The following DACH2 variants were observed in gnomAD, a reference collection of about 807,000 sequenced individuals.
DACH2 encodes the protein dachshund homolog 2.
A neutral mutation model predicts 35.8 loss-of-function variants in DACH2; 17 were observed. That is an observed-to-expected ratio of 0.48 (90% CI 0.33 to 0.71). The LOEUF is 0.71. Ranked by LOEUF, DACH2 falls within the 30% of genes least tolerant of loss-of-function variation. DACH2 has a pLI of 0.02. For missense variants in DACH2, 469 were observed against 472.7 expected (o/e 0.99, Z 0.07); for synonymous variants, 195 against 177.3 (o/e 1.10, Z -0.79).
At chrX:86,752,698 G>A (rs2041787199) in intron 7 of DACH2, among the ~76,000 whole-genome samples, 1 of 111,280 alleles carries the variant, frequency 9.0e-6, no homozygotes. Context: ...TTATATCCTT[G>A]CATAATAAAT....
At chrX:86,287,882 G>C (rs1423355419) in intron 1 of DACH2, among the ~76,000 whole-genome samples, 1 of 111,663 alleles carries the variant, frequency 9.0e-6, no homozygotes, top group South Asian at 3.7e-4. Flanking sequence ...TCCAGTTTTT[G>C]TACCTGGTGC....
In DACH2 at chrX:86,610,410, TTTC is replaced by T. The variant is rs1406558696; in HGVS notation, c.641-40623_641-40621del. Among the ~76,000 whole-genome samples, 64 of 77,466 alleles carry T rather than the reference TTTC, an allele frequency of 8.3e-4. 1 individual carries two copies. Among genetic ancestry groups the T allele is most frequent in the Middle Eastern group, 6.0e-3 (1 of 166 alleles). The allele number at this position is 77,466 out of a possible 115,157, so 67.3% of individuals were successfully genotyped here. A position where few individuals can be genotyped will look rare whatever the true frequency, so the allele number is the denominator to read the frequency against. ...CTTTCTTTCTTTCTTTCTTTCTTTC[TTTC>T]TTTCTTTTCTTTCTTTCTTTCTTTC... On this transcript the variant is annotated intron_variant, in intron 3 of 11. Transcript: ENST00000373125.
At chrX:86,174,488 G>T (rs1035372400) in intron 1 of DACH2, among the ~76,000 whole-genome samples, 1 of 110,924 alleles carries the variant, frequency 9.0e-6, no homozygotes, top group African/African-American at 3.3e-5. Flanking sequence ...TATGGTTGAT[G>T]ATCTTTGTAT....
chrX:86,723,868 G>A (rs1015834374), intron 6 of DACH2, among the ~76,000 whole-genome samples: 2 of 109,474 alleles, frequency 1.8e-5, no homozygotes. Context: ...TTTATCAATA[G>A]CACTTGAGTT....
chrX:86,691,031 G>A (rs1291616094), intron 4 of DACH2, among the ~76,000 whole-genome samples: 4 of 111,838 alleles, frequency 3.6e-5, no homozygotes, highest in African/African-American at 9.7e-5. Flanking sequence ...GTTGGGTTAC[G>A]TTTATACTTA....
Position 86,522,050 on chromosome X carries a change from C to A in DACH2, c.640+7659C>A, listed in dbSNP as rs183964600. On this transcript the variant is annotated intron_variant, in intron 3 of 11. Coordinates refer to ENST00000373125, the MANE Select transcript of DACH2 (RefSeq NM_053281.3). ...TTCTATTTTTATCTGATTTTATTTTCTTCTGTAATTTGTATTTTTGTTTTA... is the reference window on the plus strand; with the variant it reads ...TTCTATTTTTATCTGATTTTATTTTATTCTGTAATTTGTATTTTTGTTTTA... Among the ~76,000 whole-genome samples, 4 of 110,793 alleles carry A rather than the reference C, an allele frequency of 3.6e-5. No homozygotes were observed. In the Admixed American group the frequency reaches 3.9e-4, roughly 11 times the overall value.
chrX:86,530,289 A>T (rs2038699613), intron 3 of DACH2, among the ~76,000 whole-genome samples: 1 of 111,959 alleles, frequency 8.9e-6, no homozygotes, highest in African/African-American at 3.3e-5. Context: ...TTTCTGGTTT[A>T]AAAGTTTGTC....
intron 1 of DACH2, among the ~76,000 whole-genome samples, chrX:86,154,462 C>A (rs1336911535): frequency 9.0e-6 from 1 of 111,367 alleles, no homozygotes; most frequent in African/African-American, 3.3e-5. Flanking sequence ...CCATCTCAAC[C>A]TGCAAAACTC....
At chrX:86,430,682 A>G (rs1173783483) in intron 2 of DACH2, among the ~76,000 whole-genome samples, 2 of 112,027 alleles carry the variant, frequency 1.8e-5, no homozygotes, top group African/African-American at 6.5e-5. Context: ...CGTACTGGTC[A>G]TTTTTGGTTG....
At chrX:86,201,638 T>C (rs1026951204) in intron 1 of DACH2, among the ~76,000 whole-genome samples, 26 of 111,048 alleles carry the variant, frequency 2.3e-4, no homozygotes, top group African/African-American at 8.5e-4. Context: ...GTTTATGGAA[T>C]GAAAATGAAA....
intron 1 of DACH2, among the ~76,000 whole-genome samples, chrX:86,344,151 G>T (rs1004135843): frequency 2.7e-5 from 3 of 109,938 alleles, no homozygotes; most frequent in Non-Finnish European, 3.8e-5. Flanking sequence ...TTGCATGCCT[G>T]TATCAAAACA....
intron 3 of DACH2, among the ~76,000 whole-genome samples, chrX:86,522,297 G>T (rs1256793739): frequency 9.0e-6 from 1 of 110,862 alleles, no homozygotes; most frequent in Non-Finnish European, 1.9e-5. Flanking sequence ...AAAATATTTT[G>T]GGGTTATTTA....
intron 1 of DACH2, among the ~76,000 whole-genome samples, chrX:86,254,230 A>G (rs1053215580): frequency 8.9e-6 from 1 of 111,909 alleles, no homozygotes; most frequent in Non-Finnish European, 1.9e-5. Flanking sequence ...AAATTTGACC[A>G]TGTATTAAAG....
rs574196058 is a variant in DACH2 at position 86,220,002 on chromosome X, C to CAAAA, written c.488+70907_488+70910dup. On this transcript the variant is annotated intron_variant, in intron 1 of 11. Coordinates refer to ENST00000373125, the MANE Select transcript of DACH2 (RefSeq NM_053281.3). The stretch of plus-strand genomic sequence containing the variant: ...AGAAACCCCATCTCTACTAAAAATA[C>CAAAA]AAAAAAAAAAAAAAAAGGCCGGGCG... Among the ~76,000 whole-genome samples the CAAAA allele has an allele frequency of 7.3e-4, 45 of 61,277 alleles. 2 individuals are homozygous for CAAAA. The highest frequency in any genetic ancestry group is 2.6e-3 in the East Asian group (5 of 1,914). The allele number at this position is 61,277 out of a possible 115,157, so 53.2% of individuals were successfully genotyped here.
chrX:86,183,377 A>G (rs1434466573), intron 1 of DACH2, among the ~76,000 whole-genome samples: 1 of 112,233 alleles, frequency 8.9e-6, no homozygotes, highest in East Asian at 2.8e-4. Flanking sequence ...GAGAGTGTTT[A>G]GCATGACAGT....
intron 4 of DACH2, among the ~76,000 whole-genome samples, chrX:86,667,429 GAA>G (rs1421058357): frequency 1.3e-5 from 1 of 78,329 alleles, no homozygotes; most frequent in Non-Finnish European, 2.6e-5. Flanking sequence ...AAAGAAGAAA[GAA>G]AAGAAAGAAA....
chrX:86,486,487 T>G (rs73631951), intron 2 of DACH2, among the ~76,000 whole-genome samples: 2 of 110,988 alleles, frequency 1.8e-5, no homozygotes, highest in African/African-American at 6.6e-5. Flanking sequence ...TTTGCCTTTA[T>G]CTAGGTTTGC....
chrX:86,612,028 C>T (rs1042136816), intron 3 of DACH2, among the ~76,000 whole-genome samples: 1 of 107,658 alleles, frequency 9.3e-6, no homozygotes, highest in African/African-American at 3.4e-5. Context: ...AGCCATCTTG[C>T]CCAGCCCCCT....
At chrX:86,378,405 C>T (rs1201526570) in intron 2 of DACH2, among the ~76,000 whole-genome samples, 1 of 110,160 alleles carries the variant, frequency 9.1e-6, no homozygotes, top group African/African-American at 3.3e-5. Flanking sequence ...AAATGAAAGA[C>T]TATAAGAAAT....
Sources: gnomAD v4.1 joint callset for allele counts (sites outside exome capture counted in the v4.1 genomes callset) on GRCh38, gnomAD v4.1.1 for gene constraint, MANE v1.5 for transcripts, NCBI Gene and HGNC (gene_info 2026-07-23, HGNC 2026-07-21) for gene names.